Variants in ATP5PF observed in about 807,000 individuals in gnomAD.
ATP5PF encodes the protein ATP synthase peripheral stalk subunit F6, also known as ATP synthase peripheral stalk subunit F6, mitochondrial.
ATP5PF carries 7 observed loss-of-function variants against 12.0 expected under a neutral mutation model. The ratio of observed to expected loss-of-function variants is 0.58; its 90% CI spans 0.33 to 1.10. The LOEUF (loss-of-function observed/expected upper bound fraction) is 1.10. Ranked by LOEUF, ATP5PF falls within the 50% of genes least tolerant of loss-of-function variation. ATP5PF has a pLI of 0.03. For missense variants in ATP5PF, 120 were observed against 127.7 expected (o/e 0.94, Z 0.29); for synonymous variants, 41 against 45.4 (o/e 0.90, Z 0.39).
At chr21:25,727,711 A>T (rs577407152) in intron 2 of ATP5PF, among the ~76,000 whole-genome samples, 12 of 152,338 alleles carry the variant, frequency 7.9e-5, no homozygotes, top group Admixed American at 3.9e-4. Flanking sequence ...GACAGTTAAA[A>T]TGATGCAAAC....
chr21:25,728,990 TC>T (rs1426920181), intron 2 of ATP5PF, among the ~76,000 whole-genome samples: 1 of 135,660 alleles, frequency 7.4e-6, no homozygotes, highest in Non-Finnish European at 1.5e-5. Context: ...GCCTCACTGT[TC>T]CTAAGATTTG....
At chr21:25,732,249 A>T (rs116433931) in intron 1 of ATP5PF, among the ~76,000 whole-genome samples, 19 of 152,382 alleles carry the variant, frequency 1.2e-4, no homozygotes, top group Non-Finnish European at 1.6e-4. Context: ...GCCAAACACT[A>T]TAACGACAAT....
intron 2 of ATP5PF, among the ~76,000 whole-genome samples, chr21:25,727,343 T>C (rs1017078625): frequency 1.3e-5 from 2 of 152,236 alleles, no homozygotes; most frequent in Admixed American, 6.5e-5. Context: ...CTTATTACTA[T>C]ATTCCTAGGC....
chr21:25,729,962 G>C (rs1242442359), intron 1 of ATP5PF, among the ~76,000 whole-genome samples, 161 bp from the exon 2 acceptor site: 1 of 152,118 alleles, frequency 6.6e-6, no homozygotes, highest in Non-Finnish European at 1.5e-5. Flanking sequence ...ATTCCCCATT[G>C]CAAGTTTTTT....
rs1399996262 is a variant in ATP5PF at position 25,731,564 on chromosome 21, T to A, written c.-7-1763A>T. Among the ~76,000 whole-genome samples, 3 of 152,014 alleles carry A rather than the reference T, an allele frequency of 2.0e-5. No homozygotes were observed. The East Asian group carries it at 5.8e-4, about 29-fold the overall frequency. On this transcript the variant is annotated intron_variant, in intron 1 of 3. Transcript: ENST00000284971. ...CACACCAGGCTAATTTTTACTTTTT[T>A]TTTTTTTTTGTAGAGACGAGGTCTT...
chr21:25,735,166 CGCATGCGCTCTTTGA>C (rs2034988210), upstream of ATP5PF: 1 of 616,892 alleles, frequency 1.6e-6, no homozygotes, highest in African/African-American at 1.8e-5. Flanking sequence ...TTGCTCTGTA[CGCATGCGCTCTTTGA>C]GTGGCCTTTC....
intron 1 of ATP5PF, chr21:25,734,586 G>A: frequency 2.4e-6 from 1 of 416,918 alleles, no homozygotes; most frequent in Non-Finnish European, 3.8e-6. Context: ...GCCAGGCTGC[G>A]GGCCCGAGAC....
At chr21:25,728,609 C>A (rs2034677650) in intron 2 of ATP5PF, among the ~76,000 whole-genome samples, 1 of 152,136 alleles carries the variant, frequency 6.6e-6, no homozygotes. Context: ...AGAACTGTTT[C>A]ATGCTATAAG....
At position 25,734,844 on chromosome 21, in the gene ATP5PF, C is replaced by A; in HGVS notation, c.-8+9G>T. 2 of 1,536,792 alleles carry A rather than the reference C, an allele frequency of 1.3e-6. No homozygotes were observed. The highest frequency in any genetic ancestry group is 1.7e-6 in the Non-Finnish European group (2 of 1,144,734). On this transcript the variant is annotated intron_variant, in intron 1 of 3. Transcript: ENST00000284971. ...AAGGCCACGCTGATCTAGCTACCCT[C>A]CCAGTCACCTTGCACTCAGTCCCGA...
At chr21:25,727,532 T>C (rs1320873616) in intron 2 of ATP5PF, among the ~76,000 whole-genome samples, 1 of 152,240 alleles carries the variant, frequency 6.6e-6, no homozygotes, top group Non-Finnish European at 1.5e-5. Context: ...AAGTTAAACC[T>C]GCCCAAGGTC....
rs145942817 is a variant in ATP5PF, at chr21:25,729,869, A to G, written c.-7-68T>C. 1.2e-3 allele frequency: 1,791 copies of G among 1,491,068 alleles called. 19 individuals carry two copies. The African/African-American group carries it at 0.02, about 17-fold the overall frequency. The allele number at this position is 1,491,068 out of a possible 1,614,324, so 92.4% of individuals were successfully genotyped here. ...ATAAATCACCTCTAAATATATCATG[A>G]GAATCAAATTCTACTAATTGCTACA... On this transcript the variant is annotated intron_variant, in intron 1 of 3. Coordinates refer to ENST00000284971, the MANE Select transcript of ATP5PF (RefSeq NM_001003703.2).
At chr21:25,729,514 CAG>C in intron 2 of ATP5PF, 115 bp downstream of exon 2, 1 of 923,536 alleles carries the variant, frequency 1.1e-6, no homozygotes, top group Non-Finnish European at 1.6e-6. Context: ...ACCTCTATGT[CAG>C]AGATGAGCTC....
intron 2 of ATP5PF, among the ~76,000 whole-genome samples, chr21:25,727,185 G>A (rs1017047855): frequency 4.6e-5 from 7 of 152,062 alleles, no homozygotes; most frequent in African/African-American, 1.4e-4. Flanking sequence ...TGGACACTGC[G>A]GTTCTAAATA....
Position 25,729,834 on chromosome 21 carries a change from T to C in ATP5PF, c.-7-33A>G, listed in dbSNP as rs780784871. ...AGAAAACAAGCAGCAGAAACGTTAA[T>C]ATACTTATTATAAATCACCTCTAAA... On this transcript the variant is annotated intron_variant, in intron 1 of 3. Coordinates refer to ENST00000284971, the MANE Select transcript of ATP5PF (RefSeq NM_001003703.2). The C allele has an allele frequency of 3.1e-6, 5 of 1,593,402 alleles. No homozygotes were observed. In the Admixed American group the frequency reaches 7.2e-5, roughly 23 times the overall value.
intron 2 of ATP5PF, among the ~76,000 whole-genome samples, chr21:25,726,217 G>C (rs1666114349): frequency 6.6e-6 from 1 of 152,158 alleles, no homozygotes; most frequent in Admixed American, 6.5e-5. Context: ...AAAGACCTTA[G>C]ACTTTTAAGT....
Position 25,729,730 on chromosome 21 carries a change from C to T in ATP5PF, c.65G>A (p.Arg22Gln), listed in dbSNP as rs369621263. Residue 22 changes from arginine (R) to glutamine (Q), a missense_variant, in exon 2 of 4, where the codon CGG (arginine) becomes CAG (glutamine). Transcript: ENST00000284971. The part of the protein sequence containing the change: ...VIRSAVSVHL[R>Q]RNIGVTAVAF... ...CACTGCTGTAACACCAATGTTCCTC[C>T]GCAAATGGACTGAGACGGCTGACCG... is the stretch of plus-strand genomic sequence containing the variant. 34 of 1,613,838 alleles carry T rather than the reference C, an allele frequency of 2.1e-5. No individual in the cohort carries two copies. The highest frequency in any genetic ancestry group is 1.3e-4 in the African/African-American group (10 of 75,014).
intron 1 of ATP5PF, among the ~76,000 whole-genome samples, chr21:25,733,094 T>C (rs1012000929): frequency 1.3e-5 from 2 of 151,066 alleles, no homozygotes; most frequent in African/African-American, 4.9e-5. Flanking sequence ...ATTAAAGAAT[T>C]CATAACATAT....
At chr21:25,728,195 C>A (rs1436089889) in intron 2 of ATP5PF, among the ~76,000 whole-genome samples, 1 of 152,126 alleles carries the variant, frequency 6.6e-6, no homozygotes, top group Non-Finnish European at 1.5e-5. Flanking sequence ...CATTTCAATC[C>A]TTCCAATACC....
intron 1 of ATP5PF, among the ~76,000 whole-genome samples, chr21:25,732,409 G>T (rs1006196435): frequency 4.0e-5 from 6 of 151,146 alleles, no homozygotes; most frequent in African/African-American, 1.5e-4. Context: ...CACTTTGGAA[G>T]AACAAGGCAG....
Sources: allele counts gnomAD v4.1 joint callset (sites outside exome capture counted in the v4.1 genomes callset), GRCh38; gene constraint gnomAD v4.1.1; transcripts MANE v1.5; gene names NCBI Gene and HGNC (gene_info 2026-07-23, HGNC 2026-07-21).